Variants in RAP2A observed in about 807,000 individuals in gnomAD.
The protein encoded by RAP2A is ras-related protein Rap-2a.
RAP2A carries 5 observed loss-of-function variants against 15.1 expected under a neutral mutation model. That is an observed-to-expected ratio of 0.33 (90% CI 0.17 to 0.70). RAP2A has a LOEUF of 0.70. Among genes scored for constraint, RAP2A ranks in the 30% least tolerant of loss-of-function variants. RAP2A has a pLI of 0.68. For missense variants in RAP2A, 111 were observed against 240.3 expected, an observed-to-expected ratio of 0.46 and a Z score of 3.56; for synonymous variants, 110 against 99.7, an observed-to-expected ratio of 1.10 and a Z score of -0.62.
intron 1 of RAP2A, among the ~76,000 whole-genome samples, chr13:97,452,538 C>T (rs577769319): frequency 5.3e-5 from 8 of 151,272 alleles, no homozygotes; most frequent in South Asian, 4.2e-4. Flanking sequence ...GTATTGATAT[C>T]TGGTGTCTAA....
At chr13:97,436,507 C>G (rs12100323) in intron 1 of RAP2A, among the ~76,000 whole-genome samples, 6,143 of 152,220 alleles carry the variant, frequency 0.04, 200 homozygotes, top group African/African-American at 0.087. Context: ...TGAAGATGCA[C>G]ATATACACTG....
intron 1 of RAP2A, among the ~76,000 whole-genome samples, chr13:97,449,413 G>A (rs558505409): frequency 6.6e-6 from 1 of 152,184 alleles, no homozygotes; most frequent in African/African-American, 2.4e-5. Context: ...GAAAATGATG[G>A]GACAGATTTC....
At chr13:97,436,845 T>C (rs1238634715) in intron 1 of RAP2A, among the ~76,000 whole-genome samples, 2 of 152,206 alleles carry the variant, frequency 1.3e-5, no homozygotes, top group Non-Finnish European at 2.9e-5. Context: ...TCAACCGTTG[T>C]ATACATAAGA....
At chr13:97,435,890 T>C (rs1270575116) in intron 1 of RAP2A, 2 of 152,192 alleles carry the variant, frequency 1.3e-5, no homozygotes, top group Admixed American at 1.3e-4. Flanking sequence ...TGAAAGATGG[T>C]TGTAAGTGCA....
Position 97,434,620 on chromosome 13 carries a change from G to C in RAP2A, c.150G>C (p.Pro50=). ...YRKEIEVDSS[P]SVLEILDTAG... is the part of the protein sequence containing the mutation. ...AGGAGATCGAGGTGGATTCGTCGCC[G>C]TCGGTGCTGGAGATCCTGGACACGG... The change falls in exon 1 of 2, where the codon CCG becomes CCC. Residue 50 remains proline, a synonymous_variant. Transcript: ENST00000245304. 6.2e-7 allele frequency: 1 copy of C among 1,614,136 alleles called. No homozygotes were observed.
chr13:97,459,837 G>A (rs1347346502), intron 1 of RAP2A, among the ~76,000 whole-genome samples: 4 of 152,076 alleles, frequency 2.6e-5, no homozygotes, highest in Non-Finnish European at 5.9e-5. Context: ...TGATGTCTGC[G>A]CCCTCTGCTA....
At chr13:97,444,332 A>C (rs1463552852) in intron 1 of RAP2A, among the ~76,000 whole-genome samples, 1 of 144,562 alleles carries the variant, frequency 6.9e-6, no homozygotes, top group Non-Finnish European at 1.6e-5. Context: ...CATAAAAAGC[A>C]ATCAGCATAT....
intron 1 of RAP2A, among the ~76,000 whole-genome samples, chr13:97,456,454 C>CTT (rs2153180084): frequency 6.6e-6 from 1 of 152,222 alleles, no homozygotes; most frequent in East Asian, 1.9e-4. Context: ...CTTTAATGGG[C>CTT]TTATGCTATC....
intron 1 of RAP2A, among the ~76,000 whole-genome samples, chr13:97,447,174 G>A (rs577924889): frequency 4.6e-5 from 7 of 152,098 alleles, no homozygotes; most frequent in Non-Finnish European, 7.4e-5. Context: ...TGATCTACCC[G>A]ATGTCATTTG....
intron 1 of RAP2A, among the ~76,000 whole-genome samples, chr13:97,444,754 C>T (rs1338604997): frequency 6.6e-6 from 1 of 152,184 alleles, no homozygotes; most frequent in Non-Finnish European, 1.5e-5. Flanking sequence ...CTTATTAGGC[C>T]ACCTTTTCTA....
chr13:97,457,282 C>A (rs1024993917), intron 1 of RAP2A, among the ~76,000 whole-genome samples: 1 of 151,424 alleles, frequency 6.6e-6, no homozygotes, highest in East Asian at 1.9e-4. Context: ...ATAATGCATA[C>A]CCTTTGAGGC....
chr13:97,438,439 C>T (rs2066643037), intron 1 of RAP2A, among the ~76,000 whole-genome samples: 1 of 152,184 alleles, frequency 6.6e-6, no homozygotes, highest in Admixed American at 6.5e-5. Context: ...TTAATTCCTA[C>T]TCCGTCTTTC....
chr13:97,456,570 A>G (rs1274219618), intron 1 of RAP2A, among the ~76,000 whole-genome samples: 2 of 152,148 alleles, frequency 1.3e-5, no homozygotes, highest in Non-Finnish European at 2.9e-5. Context: ...GTGGTCCACA[A>G]TCCAGTGGTC....
intron 1 of RAP2A, chr13:97,441,772 A>G (rs770110167): frequency 2.2e-6 from 1 of 451,006 alleles, no homozygotes; most frequent in South Asian, 1.6e-5. Context: ...TTTCAGGCCT[A>G]TGTTGTAAAA....
intron 1 of RAP2A, among the ~76,000 whole-genome samples, chr13:97,442,658 G>C (rs895808631): frequency 2.6e-5 from 4 of 151,862 alleles, no homozygotes; most frequent in Non-Finnish European, 4.4e-5. Flanking sequence ...GTTTTTAAGT[G>C]CTTTTCATGA....
intron 1 of RAP2A, among the ~76,000 whole-genome samples, chr13:97,458,047 A>G (rs1398729340): frequency 6.6e-6 from 1 of 152,154 alleles, no homozygotes; most frequent in African/African-American, 2.4e-5. Context: ...GACAGTACAA[A>G]ATGGGTTGCC....
At chr13:97,454,443 G>A (rs548877758) in intron 1 of RAP2A, among the ~76,000 whole-genome samples, 19 of 150,200 alleles carry the variant, frequency 1.3e-4, no homozygotes, top group African/African-American at 4.7e-4. Flanking sequence ...TTTATCTGTT[G>A]TCTTTTATGT....
chr13:97,462,468 C>T (rs1279699424), intron 1 of RAP2A, among the ~76,000 whole-genome samples: 1 of 152,062 alleles, frequency 6.6e-6, no homozygotes. Flanking sequence ...CTGCCACTTG[C>T]CCTCCTAGAG....
chr13:97,456,936 G>A (rs1265892543), intron 1 of RAP2A, among the ~76,000 whole-genome samples: 2 of 152,150 alleles, frequency 1.3e-5, no homozygotes, highest in East Asian at 1.9e-4. Context: ...CTTACAAGCA[G>A]TATTGATGTT....
Sources: allele counts gnomAD v4.1 joint callset (sites outside exome capture counted in the v4.1 genomes callset), GRCh38; gene constraint gnomAD v4.1.1; transcripts MANE v1.5; gene names NCBI Gene and HGNC (gene_info 2026-07-23, HGNC 2026-07-21).